RO60: variants seen among roughly 807,000 people sequenced by gnomAD.
RO60 encodes RNA-binding protein RO60.
Under a neutral mutation model 55.3 loss-of-function variants are expected in RO60, and 20 were observed. The ratio of observed to expected loss-of-function variants is 0.36; its 90% confidence interval spans 0.25 to 0.53. RO60 has a LOEUF of 0.53. Ranked by LOEUF, RO60 falls within the 20% of genes least tolerant of loss-of-function variation. The pLI is 0.92. For synonymous variants in RO60, 213 were observed against 213.6 expected, an observed-to-expected ratio of 1.00 and a Z score of 0.02; for missense variants, 558 against 646.6, an observed-to-expected ratio of 0.86 and a Z score of 1.49.
chr1:193,091,666 T>C (rs762111059), downstream of RO60: 1 of 1,612,164 alleles, frequency 6.2e-7, no homozygotes, highest in Non-Finnish European at 8.5e-7. Flanking sequence ...CAAAATACCC[T>C]ACTAAATAAA....
chr1:193,080,668 A>C (rs1321950319), intron 5 of RO60, among the ~76,000 whole-genome samples: 1 of 152,220 alleles, frequency 6.6e-6, no homozygotes, highest in Non-Finnish European at 1.5e-5. Context: ...ATATAATGGA[A>C]TATTATTCAG....
rs1225725193 is a variant in RO60, at chr1:193,069,038, C to T, written c.-17C>T. 6.3e-7 allele frequency: 1 copy of T among 1,591,756 alleles called. No individual in the cohort carries two copies. The highest frequency in any genetic ancestry group is 8.6e-7 in the Non-Finnish European group (1 of 1,168,270). On this transcript the variant is annotated 5_prime_UTR_variant, in exon 2 of 9. Coordinates refer to ENST00000400968, the MANE Select transcript of RO60 (RefSeq NM_001173524.2). ...AACATTTTGCCTTTTTGTTAGGTTT[C>T]CTAAAGACAAAAAAAAATGGAGGAA...
In RO60 at chr1:193,088,879, C is replaced by CT. The variant is rs1674739821; in HGVS notation, c.*4152dup. On this transcript the variant is annotated 3_prime_UTR_variant, in exon 9 of 9. Coordinates refer to ENST00000400968, the MANE Select transcript of RO60 (RefSeq NM_001173524.2). ...GATTACTTTTCTACCTCTTTTTTTT[C>CT]TTTTAAAATTCCTTTCTTACATTTC... 6.6e-6 allele frequency: 1 copy of CT among 151,200 alleles called. No individual in the cohort carries two copies. The highest frequency in any genetic ancestry group is 2.4e-5 in the African/African-American group (1 of 41,202). 9.4% of individuals were successfully genotyped at this position (151,200 alleles called of 1,614,324 possible).
At position 193,076,979 on chromosome 1, in the gene RO60, G is replaced by C. The variant is rs1290396624; in HGVS notation, c.1015G>C (p.Gly339Arg). 1.9e-6 allele frequency: 3 copies of C among 1,613,212 alleles called. No homozygotes were observed. The highest frequency in any genetic ancestry group is 2.5e-6 in the Non-Finnish European group (3 of 1,179,470). ...TTACAAGACAGGTCATGGTCTCAGA[G>C]GGAAACTGAAGTGGCGCCCTGATGA... is the stretch of plus-strand genomic sequence containing the variant. ...ETYKTGHGLRGKLKWRPDEEI... is the reference protein window; with the variant it reads ...ETYKTGHGLRRKLKWRPDEEI... Residue 339 changes from glycine (G) to arginine (R), a missense_variant, in exon 5 of 9, where the codon GGG becomes CGG. By Grantham distance (125) the Gly-to-Arg change is moderately radical. Transcript: ENST00000400968.
chr1:193,085,049 A>T lies in RO60; in HGVS notation c.*318A>T. ...GTGTGTACCTAAAAGAGGTAAGAGC[A>T]AAAAGTGTAATTCCACATCATGTTA... is the stretch of plus-strand genomic sequence containing the variant. On this transcript the variant is annotated 3_prime_UTR_variant, in exon 9 of 9. Coordinates refer to ENST00000400968, the MANE Select transcript of RO60 (RefSeq NM_001173524.2). 6.6e-7 allele frequency: 1 copy of T among 1,519,496 alleles called. No individual in the cohort carries two copies. The highest frequency in any genetic ancestry group is 1.2e-5 in the South Asian group (1 of 80,190). 94.1% of individuals were successfully genotyped at this position (1,519,496 alleles called of 1,614,324 possible). A position where few individuals can be genotyped will look rare whatever the true frequency, so the allele number is the denominator to read the frequency against.
At chr1:193,071,926 C>T (rs1370715158) in intron 2 of RO60, among the ~76,000 whole-genome samples, 1 of 150,454 alleles carries the variant, frequency 6.6e-6, no homozygotes, top group Admixed American at 6.6e-5. Context: ...TACATCATAG[C>T]CCTTTTGTCC....
chr1:193,075,920 G>C lies in RO60; in HGVS notation c.681G>C (p.Lys227Asn), dbSNP rs765101051. Reference protein sequence around the residue: ...ALSVETEKLLKYLEAVEKVKR... With the variant: ...ALSVETEKLLNYLEAVEKVKR... ...CTGTGGAGACTGAAAAATTATTAAA[G>C]TATCTGGAGGCTGTAGAGAAAGTGA... is the stretch of plus-strand genomic sequence containing the variant. Residue 227 changes from lysine (K) to asparagine (N), a missense_variant, in exon 3 of 9, where the codon AAG (lysine) becomes AAC (asparagine). Transcript: ENST00000400968. 7.4e-6 allele frequency: 12 copies of C among 1,613,172 alleles called. No individual in the cohort carries two copies. The South Asian group carries it at 1.3e-4, about 18-fold the overall frequency.
Position 193,076,530 on chromosome 1 carries a change from G to T in RO60, c.831G>T (p.Pro277=), listed in dbSNP as rs377274290. ...GGAAGGCTTTGTTACAAGAAATGCC[G>T]CTTACTGCATTACTAAGGAATCTAG... is the stretch of plus-strand genomic sequence containing the variant. ...EVWKALLQEM[P]LTALLRNLGK... The change falls in exon 4 of 9, where the codon CCG becomes CCT. Residue 277 remains proline, a synonymous_variant. Transcript: ENST00000400968. 3 of 1,611,036 alleles carry T rather than the reference G, an allele frequency of 1.9e-6. No homozygotes were observed. In the African/African-American group the frequency reaches 4.0e-5, roughly 22 times the overall value.
chr1:193,077,048 A>G lies in RO60; in HGVS notation c.1084A>G (p.Lys362Glu), dbSNP rs1673972365. 1 of 1,607,342 alleles carries G rather than the reference A, an allele frequency of 6.2e-7. No individual in the cohort carries two copies. ...ALDAAFYKTF[K>E]TVEPTGKRFL... is the part of the protein sequence containing the mutation. ...GGATGCTGCTTTTTATAAAACATTTAAGGTAGTGATATGATTTTTGTTTTA... is the reference window on the plus strand; with the variant it reads ...GGATGCTGCTTTTTATAAAACATTTGAGGTAGTGATATGATTTTTGTTTTA... The change falls in exon 5 of 9, where the codon AAG (lysine) becomes GAG (glutamate). Residue 362 changes from lysine (K) to glutamate (E), a missense_variant and splice_region_variant. Lys to Glu is a moderately conservative substitution (Grantham distance 56). Transcript: ENST00000400968.
chr1:193,074,366 G>A (rs968730993), intron 2 of RO60, among the ~76,000 whole-genome samples: 1 of 152,170 alleles, frequency 6.6e-6, no homozygotes, highest in African/African-American at 2.4e-5. Flanking sequence ...GTGTAAAAGT[G>A]TTCCTGTTTC....
intron 1 of RO60, among the ~76,000 whole-genome samples, chr1:193,061,520 A>G (rs968985835): frequency 6.6e-6 from 1 of 152,246 alleles, no homozygotes; most frequent in African/African-American, 2.4e-5. Context: ...TTCCTTGGAA[A>G]TAACACATTA....
At chr1:193,091,566 A>G, downstream of RO60, 1 of 1,128,272 alleles carries the variant, frequency 8.9e-7, no homozygotes. Flanking sequence ...CTAATAGAGA[A>G]TGAATGAATA....
intron 2 of RO60, among the ~76,000 whole-genome samples, chr1:193,074,379 C>T (rs1572084361): frequency 6.6e-6 from 1 of 152,164 alleles, no homozygotes; most frequent in Non-Finnish European, 1.5e-5. Context: ...CCTGTTTCTC[C>T]ACATCCTCTC....
At position 193,083,352 on chromosome 1, in the gene RO60, A is replaced by G. The variant is rs368910539; in HGVS notation, c.1464+644A>G. Among the ~76,000 whole-genome samples, 44 of 152,308 alleles carry G rather than the reference A, an allele frequency of 2.9e-4. 3 individuals are homozygous for G. In the South Asian group the frequency reaches 9.1e-3, roughly 32 times the overall value. ...TATTAGTGAGTTTTGCAAAAGGATT[A>G]CATAAAATTAAAGCTATAATCTATG... On this transcript the variant is annotated intron_variant, in intron 8 of 8. Coordinates refer to ENST00000400968, the MANE Select transcript of RO60 (RefSeq NM_001173524.2).
Position 193,081,403 on chromosome 1 carries a change from G to C in RO60, c.1126G>C (p.Asp376His). 1 of 1,609,914 alleles carries C rather than the reference G, an allele frequency of 6.2e-7. No individual in the cohort carries two copies. The highest frequency in any genetic ancestry group is 8.5e-7 in the Non-Finnish European group (1 of 1,177,358). The change falls in exon 6 of 9, where the codon GAT becomes CAT. Residue 376 changes from aspartate (D) to histidine (H), a missense_variant. Asp to His is a moderately conservative substitution (Grantham distance 81). Transcript: ENST00000400968. Reference protein sequence around the residue: ...PTGKRFLLAVDVSASMNQRVL... With the variant: ...PTGKRFLLAVHVSASMNQRVL... ...TGGAAAACGTTTCTTACTAGCTGTT[G>C]ATGTCAGTGCTTCTATGAACCAAAG...
intron 1 of RO60, among the ~76,000 whole-genome samples, chr1:193,060,802 G>A (rs1224186405): frequency 1.3e-5 from 2 of 152,168 alleles, no homozygotes; most frequent in Admixed American, 1.3e-4. Flanking sequence ...AGACTAGGAG[G>A]ATTCTGTACA....
intron 1 of RO60, among the ~76,000 whole-genome samples, chr1:193,061,245 C>T (rs1672664243): frequency 6.6e-6 from 1 of 152,198 alleles, no homozygotes; most frequent in East Asian, 1.9e-4. Context: ...GTTCCTTCCT[C>T]ATCAGTTTTT....
chr1:193,091,000 C>T lies in RO60; in HGVS notation c.*6269C>T, dbSNP rs190513203. ...ACAGTGATGTGTTATACATACATGA[C>T]TGTTAACATCAGTAATATTTTATGA... On this transcript the variant is annotated 3_prime_UTR_variant, in exon 9 of 9. Coordinates refer to ENST00000400968, the MANE Select transcript of RO60 (RefSeq NM_001173524.2). 2 of 152,284 alleles carry T rather than the reference C, an allele frequency of 1.3e-5. No homozygotes were observed. The highest frequency in any genetic ancestry group is 3.9e-4 in the East Asian group (2 of 5,186). 9.4% of individuals were successfully genotyped at this position (152,284 alleles called of 1,614,324 possible).
At chr1:193,074,440 G>A (rs2103048822) in intron 2 of RO60, among the ~76,000 whole-genome samples, 1 of 152,338 alleles carries the variant, frequency 6.6e-6, no homozygotes, top group South Asian at 2.1e-4. Flanking sequence ...TAACTGATGT[G>A]AGATGGTATC....
Sources: allele counts gnomAD v4.1 joint callset (sites outside exome capture counted in the v4.1 genomes callset), GRCh38; gene constraint gnomAD v4.1.1; transcripts MANE v1.5; gene names NCBI Gene and HGNC (gene_info 2026-07-23, HGNC 2026-07-21).